Variants in SMC1B observed in about 807,000 individuals in gnomAD.
The protein encoded by SMC1B is structural maintenance of chromosomes protein 1B.
SMC1B carries 60 observed loss-of-function variants against 157.9 expected under a neutral mutation model. That is an observed-to-expected ratio of 0.38 (90% CI 0.31 to 0.47). SMC1B has a LOEUF of 0.47. Among genes scored for constraint, SMC1B ranks in the 20% least tolerant of loss-of-function variants. The pLI is 0.99. For missense variants in SMC1B, 1,165 were observed against 1,426.2 expected, an observed-to-expected ratio of 0.82 and a Z score of 2.95; for synonymous variants, 445 against 483.0, an observed-to-expected ratio of 0.92 and a Z score of 1.03.
chr22:45,356,514 T>C (rs1391558413), intron 19 of SMC1B, among the ~76,000 whole-genome samples: 1 of 152,176 alleles, frequency 6.6e-6, no homozygotes, highest in Non-Finnish European at 1.5e-5. Context: ...TTTTGAGGGC[T>C]TTGATATTTA....
intron 5 of SMC1B, among the ~76,000 whole-genome samples, chr22:45,401,374 A>G (rs1379137993): frequency 6.6e-6 from 1 of 152,248 alleles, no homozygotes; most frequent in African/African-American, 2.4e-5. Context: ...CTGGAAGCTT[A>G]CACGAGTGAA....
rs1277617216 is a variant in SMC1B, at chr22:45,355,077, C to T, written c.3000G>A (p.Arg1000=). 2 of 1,614,174 alleles carry T rather than the reference C, an allele frequency of 1.2e-6. No individual in the cohort carries two copies. Among genetic ancestry groups the T allele is most frequent in the Non-Finnish European group, 1.7e-6 (2 of 1,180,044 alleles). ...GGGATGCTACTTGCTGCAATAAGAG[C>T]CTAAGGTGGGCCTCGATTTCTTGAT... ...QSDQEIEAHL[R]LLLQQVASQE... Residue 1000 remains arginine (R), a synonymous_variant, in exon 20 of 25, where the codon AGG becomes AGA. Coordinates refer to ENST00000357450, the MANE Select transcript of SMC1B (RefSeq NM_148674.5).
Position 45,344,064 on chromosome 22 carries a change from T to C in SMC1B, c.*492A>G, listed in dbSNP as rs1461755783. 1 of 152,270 alleles carries C rather than the reference T, an allele frequency of 6.6e-6. No individual in the cohort carries two copies. Among genetic ancestry groups the C allele is most frequent in the Admixed American group, 6.5e-5 (1 of 15,288 alleles). 9.4% of individuals were successfully genotyped at this position (152,270 alleles called of 1,614,324 possible). ...TTCTAAAATTCTACATTGGAGACAT[T>C]TGAAATTAGAACATTTTTTATTGAT... On this transcript the variant is annotated 3_prime_UTR_variant, in exon 25 of 25. Coordinates refer to ENST00000357450, the MANE Select transcript of SMC1B (RefSeq NM_148674.5).
In SMC1B at chr22:45,344,900, A is replaced by C. The variant is rs928684207; in HGVS notation, c.3607-243T>G. ...TGTAGGCACAGGAAGGTAAATTTTT[A>C]TCTTTGCTTAAAGGAAAATTCAGGA... On this transcript the variant is annotated intron_variant, in intron 24 of 24. Coordinates refer to ENST00000357450, the MANE Select transcript of SMC1B (RefSeq NM_148674.5). 3.3e-5 allele frequency among the ~76,000 whole-genome samples: 5 copies of C among 152,310 alleles called. 1 individual carries two copies. The highest frequency in any genetic ancestry group is 1.9e-4 in the East Asian group (1 of 5,182).
intron 14 of SMC1B, 25 bp downstream of exon 14, chr22:45,371,446 T>C: frequency 3.2e-6 from 5 of 1,563,316 alleles, no homozygotes; most frequent in Non-Finnish European, 4.3e-6. Flanking sequence ...ATATACCATT[T>C]AGGAATAAAT....
intron 18 of SMC1B, 41 bp downstream of exon 18, chr22:45,359,764 C>G (rs2086702894): frequency 6.3e-7 from 1 of 1,593,496 alleles, no homozygotes; most frequent in East Asian, 2.2e-5. Flanking sequence ...GCATTAAGTT[C>G]CACACAACGG....
chr22:45,400,494 T>A (rs975785138), intron 5 of SMC1B, among the ~76,000 whole-genome samples: 2 of 152,204 alleles, frequency 1.3e-5, no homozygotes, highest in African/African-American at 4.8e-5. Flanking sequence ...TCCATAAATC[T>A]ATACTGATGT....
chr22:45,392,787 G>A (rs571345190), intron 9 of SMC1B, among the ~76,000 whole-genome samples: 58 of 152,154 alleles, frequency 3.8e-4, no homozygotes, highest in African/African-American at 1.3e-3. Flanking sequence ...TGCAAACTCT[G>A]CCTCCCGGGT....
chr22:45,364,824 C>CTTTT (rs202166311), intron 15 of SMC1B, among the ~76,000 whole-genome samples: 3 of 105,502 alleles, frequency 2.8e-5, no homozygotes, highest in African/African-American at 8.3e-5. Flanking sequence ...ATCTCTTTTC[C>CTTTT]TTTTTTTTTT....
At chr22:45,377,630 C>G (rs995892521) in intron 12 of SMC1B, among the ~76,000 whole-genome samples, 1 of 144,310 alleles carries the variant, frequency 6.9e-6, no homozygotes, top group African/African-American at 2.6e-5. Context: ...GAGTGAGACT[C>G]TGTCTCAAAA....
intron 21 of SMC1B, 55 bp downstream of exon 21, chr22:45,353,923 A>AAAAAAAAAAAC: frequency 9.6e-7 from 1 of 1,036,894 alleles, no homozygotes; most frequent in South Asian, 1.6e-5. Flanking sequence ...AAAAAAAACA[A>AAAAAAAAAAAC]CCACCACCGG....
chr22:45,412,444 C>T (rs537173732), intron 1 of SMC1B, among the ~76,000 whole-genome samples: 1 of 151,278 alleles, frequency 6.6e-6, no homozygotes, highest in Non-Finnish European at 1.5e-5. Context: ...CATGATCCAC[C>T]CGCCTCGGCC....
chr22:45,404,564 A>G (rs543535618), intron 4 of SMC1B, among the ~76,000 whole-genome samples: 77 of 152,352 alleles, frequency 5.1e-4, no homozygotes, highest in African/African-American at 1.6e-3. Flanking sequence ...CCTGTGCATA[A>G]CAAGAACATT....
chr22:45,346,633 C>T (rs1327376464), intron 23 of SMC1B, among the ~76,000 whole-genome samples: 1 of 152,156 alleles, frequency 6.6e-6, no homozygotes, highest in Non-Finnish European at 1.5e-5. Context: ...AGAAACTGCT[C>T]TAAGAGGCTG....
Position 45,389,880 on chromosome 22 carries a change from G to T in SMC1B, c.1563C>A (p.Asp521Glu). Residue 521 changes from aspartate (D) to glutamate (E), a missense_variant, in exon 10 of 25, where the codon GAC becomes GAA. Transcript: ENST00000357450. ...ATTTCTTATGAATAGGATGACACAG[G>T]TCAAATAGTCTTCCAAACTTAGCAG... The part of the protein sequence containing the change: ...YPDSVFGRLF[D>E]LCHPIHKKYQ... 1 of 1,613,450 alleles carries T rather than the reference G, an allele frequency of 6.2e-7. No individual in the cohort carries two copies. Among genetic ancestry groups the T allele is most frequent in the South Asian group, 1.1e-5 (1 of 90,898 alleles).
intron 12 of SMC1B, among the ~76,000 whole-genome samples, chr22:45,377,389 AGCACTTTGGGAGGCC>A (rs1341684453): frequency 6.6e-6 from 1 of 152,172 alleles, no homozygotes; most frequent in Non-Finnish European, 1.5e-5. Flanking sequence ...CTGTAATCCC[AGCACTTTGGGAGGCC>A]AAGGCAGGCA....
chr22:45,392,915 G>A (rs1166095060), intron 9 of SMC1B, among the ~76,000 whole-genome samples: 3 of 152,124 alleles, frequency 2.0e-5, no homozygotes, highest in Non-Finnish European at 4.4e-5. Context: ...TGGCCAGGCT[G>A]GTCTCAAACT....
At chr22:45,400,722 C>T (rs183568349) in intron 5 of SMC1B, among the ~76,000 whole-genome samples, 1 of 152,282 alleles carries the variant, frequency 6.6e-6, no homozygotes, top group Non-Finnish European at 1.5e-5. Flanking sequence ...AAAACTACTT[C>T]AGTCAGGTGA....
intron 12 of SMC1B, among the ~76,000 whole-genome samples, chr22:45,377,780 C>T (rs552887534): frequency 6.6e-6 from 1 of 152,206 alleles, no homozygotes; most frequent in East Asian, 1.9e-4. Flanking sequence ...AAGTGATCCT[C>T]CTGCCTTGGC....
Sources: allele counts gnomAD v4.1 joint callset (sites outside exome capture counted in the v4.1 genomes callset), GRCh38; gene constraint gnomAD v4.1.1; transcripts MANE v1.5; gene names NCBI Gene and HGNC (gene_info 2026-07-23, HGNC 2026-07-21).